The following RAD51B variants were observed in gnomAD, a reference collection of about 807,000 sequenced individuals.
RAD51B encodes the protein DNA repair protein RAD51 homolog 2.
RAD51B carries 38 observed loss-of-function variants against 42.2 expected under a neutral mutation model. That is an observed-to-expected ratio of 0.90 (90% CI 0.70 to 1.18). RAD51B has a LOEUF of 1.18. RAD51B is among the 50% of genes most tolerant of loss of function. The pLI is 0.00. For synonymous variants in RAD51B, 154 were observed against 145.2 expected (o/e 1.06, Z -0.43); for missense variants, 373 against 400.7 (o/e 0.93, Z 0.59).
chr14:68,278,816 C>T (rs185053915), intron 7 of RAD51B, among the ~76,000 whole-genome samples: 187 of 152,298 alleles, frequency 1.2e-3, no homozygotes, highest in Non-Finnish European at 2.0e-3. Context: ...GAAACCAGCA[C>T]TAATAGATGG....
intron 7 of RAD51B, among the ~76,000 whole-genome samples, chr14:67,897,718 C>T (rs1213320729): frequency 6.6e-6 from 1 of 151,484 alleles, no homozygotes; most frequent in East Asian, 1.9e-4. Flanking sequence ...GGCGCCATCT[C>T]AGCTCACTGC....
chr14:68,083,947 G>A (rs1466244892), intron 7 of RAD51B, among the ~76,000 whole-genome samples: 2 of 152,126 alleles, frequency 1.3e-5, no homozygotes, highest in African/African-American at 4.8e-5. Context: ...AAGACAGAGA[G>A]GGAACGTGAG....
intron 10 of RAD51B, among the ~76,000 whole-genome samples, chr14:68,575,576 A>G (rs1245395016): frequency 6.6e-6 from 1 of 152,004 alleles, no homozygotes; most frequent in East Asian, 1.9e-4. Flanking sequence ...AAATAATTCC[A>G]TCTCCTCCCC....
chr14:68,541,237 G>A, intron 10 of RAD51B: 1 of 985,438 alleles, frequency 1.0e-6, no homozygotes, highest in East Asian at 1.1e-4. Context: ...TTTTCTTGAA[G>A]ATTTGACAGA....
chr14:67,829,460 T>C (rs1199740820), intron 3 of RAD51B, among the ~76,000 whole-genome samples: 1 of 152,098 alleles, frequency 6.6e-6, no homozygotes, highest in African/African-American at 2.4e-5. Flanking sequence ...GCCAGGATGG[T>C]CTCGATCTCC....
intron 8 of RAD51B, among the ~76,000 whole-genome samples, chr14:68,365,653 T>A (rs1189149498): frequency 6.6e-6 from 1 of 152,230 alleles, no homozygotes; most frequent in Non-Finnish European, 1.5e-5. Context: ...AAAAAACAAA[T>A]TTTTTAAGGC....
chr14:68,055,380 A>T (rs571372396), intron 7 of RAD51B, among the ~76,000 whole-genome samples: 1 of 152,306 alleles, frequency 6.6e-6, no homozygotes, highest in African/African-American at 2.4e-5. Flanking sequence ...AAATGTTATA[A>T]GATTATATTG....
intron 11 of RAD51B, among the ~76,000 whole-genome samples, chr14:68,664,880 T>C (rs531889759): frequency 1.8e-4 from 28 of 152,308 alleles, no homozygotes; most frequent in Admixed American, 1.6e-3. Flanking sequence ...AAAAATGCCC[T>C]GGATTCTCAA....
At chr14:68,301,536 A>G (rs1012884483) in intron 8 of RAD51B, among the ~76,000 whole-genome samples, 1 of 151,126 alleles carries the variant, frequency 6.6e-6, no homozygotes, top group Non-Finnish European at 1.5e-5. Context: ...AAGGTAAACC[A>G]GCAGAAAGTC....
At chr14:68,172,581 G>A (rs896616792) in intron 7 of RAD51B, among the ~76,000 whole-genome samples, 1 of 152,048 alleles carries the variant, frequency 6.6e-6, no homozygotes, top group Non-Finnish European at 1.5e-5. Flanking sequence ...AGGTTATATA[G>A]GCAAGGAGAA....
chr14:68,081,922 A>G (rs116334624), intron 7 of RAD51B, among the ~76,000 whole-genome samples: 2,640 of 152,154 alleles, frequency 0.017, 70 homozygotes, highest in African/African-American at 0.059. Flanking sequence ...TTTCCTAACA[A>G]TTATGTGATG....
At chr14:68,296,569 C>T (rs1393726423) in intron 8 of RAD51B, among the ~76,000 whole-genome samples, 6 of 152,150 alleles carry the variant, frequency 3.9e-5, no homozygotes, top group African/African-American at 7.2e-5. Flanking sequence ...GATGCCATAT[C>T]CTATTCCAAA....
chr14:68,330,088 C>T (rs2082319908), intron 8 of RAD51B, among the ~76,000 whole-genome samples: 2 of 151,764 alleles, frequency 1.3e-5, no homozygotes, highest in African/African-American at 4.8e-5. Context: ...GCTACGTTAA[C>T]AAGAGCCTGG....
chr14:68,354,684 CAAAGCAAAATCTGTCTCTACA>C (rs2139886116), intron 8 of RAD51B, among the ~76,000 whole-genome samples: 1 of 151,894 alleles, frequency 6.6e-6, no homozygotes, highest in South Asian at 2.1e-4. Flanking sequence ...GCCTGGGCAA[CAAAGCAAAATCTGTCTCTACA>C]AAAGATTTAT....
intron 7 of RAD51B, among the ~76,000 whole-genome samples, chr14:67,958,316 A>G (rs760348569): frequency 9.2e-5 from 14 of 152,210 alleles, no homozygotes; most frequent in African/African-American, 3.1e-4. Context: ...TCTGATCACT[A>G]TTAATCCAGT....
intron 7 of RAD51B, among the ~76,000 whole-genome samples, chr14:67,940,586 C>G (rs1407340194): frequency 6.6e-6 from 1 of 152,110 alleles, no homozygotes; most frequent in African/African-American, 2.4e-5. Flanking sequence ...TCCATGTACT[C>G]TGTCCAGAAC....
intron 7 of RAD51B, among the ~76,000 whole-genome samples, chr14:68,151,057 C>G (rs970698768): frequency 1.8e-4 from 27 of 151,942 alleles, no homozygotes; most frequent in Admixed American, 6.5e-4. Flanking sequence ...TGAGATTTAC[C>G]TGAAGAATTT....
intron 7 of RAD51B, among the ~76,000 whole-genome samples, chr14:68,234,959 A>G (rs2080217589): frequency 6.6e-6 from 1 of 152,212 alleles, no homozygotes; most frequent in Admixed American, 6.5e-5. Flanking sequence ...AATGATATAC[A>G]ATCAAGAGGT....
chr14:68,426,926 G>C (rs1479260218), intron 9 of RAD51B, among the ~76,000 whole-genome samples: 1 of 152,154 alleles, frequency 6.6e-6, no homozygotes, highest in Non-Finnish European at 1.5e-5. Context: ...TGACTTTCCA[G>C]GGCCACTCAG....
Sources: allele counts gnomAD v4.1 joint callset (sites outside exome capture counted in the v4.1 genomes callset), GRCh38; gene constraint gnomAD v4.1.1; transcripts MANE v1.5; gene names NCBI Gene and HGNC (gene_info 2026-07-23, HGNC 2026-07-21).